PRKG1: variants seen among roughly 807,000 people sequenced by gnomAD.
PRKG1 encodes cGMP-dependent protein kinase 1.
A neutral mutation model predicts 88.1 loss-of-function variants in PRKG1; 35 were observed. The ratio of observed to expected loss-of-function variants is 0.40; its 90% CI spans 0.30 to 0.53. The LOEUF is 0.53. Among genes scored for constraint, PRKG1 ranks in the 20% least tolerant of loss-of-function variants. PRKG1 has a pLI of 0.59. For synonymous variants in PRKG1, 303 were observed against 292.5 expected (o/e 1.04, Z -0.37); for missense variants, 540 against 839.8 (o/e 0.64, Z 4.41).
intron 1 of PRKG1, among the ~76,000 whole-genome samples, chr10:51,131,881 G>A (rs910330989): frequency 2.6e-5 from 4 of 151,942 alleles, no homozygotes; most frequent in African/African-American, 7.2e-5. Flanking sequence ...TTTTGGAGGG[G>A]TGGGGATGGA....
At chr10:51,047,795 A>G (rs997825706) in intron 1 of PRKG1, among the ~76,000 whole-genome samples, 1 of 152,186 alleles carries the variant, frequency 6.6e-6, no homozygotes, top group South Asian at 2.1e-4. Context: ...TCAAAAATGA[A>G]AAAAACAAGA....
intron 3 of PRKG1, among the ~76,000 whole-genome samples, chr10:51,665,087 A>T (rs916402085): frequency 6.6e-6 from 1 of 152,118 alleles, no homozygotes; most frequent in African/African-American, 2.4e-5. Flanking sequence ...CTTACTTTTC[A>T]TTATTAACTG....
Position 52,161,342 on chromosome 10 carries a change from T to A in PRKG1, c.1002-547T>A, listed in dbSNP as rs544172729. Among the ~76,000 whole-genome samples, 3 of 152,208 alleles carry A rather than the reference T, an allele frequency of 2.0e-5. No individual in the cohort carries two copies. The East Asian group carries it at 5.8e-4, about 29-fold the overall frequency. ...CCAAAATGAGTTAATTTTTCTGTGA[T>A]CTTCTCCTTTTGTTTTCCTGTATTC... On this transcript the variant is annotated intron_variant, in intron 8 of 17. Transcript: ENST00000373980.
chr10:52,050,588 A>G (rs1485789215), intron 5 of PRKG1, among the ~76,000 whole-genome samples: 1 of 152,132 alleles, frequency 6.6e-6, no homozygotes, highest in Non-Finnish European at 1.5e-5. Context: ...GTGTTACGAC[A>G]CCATAAATAT....
At chr10:52,091,434 A>G (rs1187453506) in intron 7 of PRKG1, among the ~76,000 whole-genome samples, 1 of 152,202 alleles carries the variant, frequency 6.6e-6, no homozygotes, top group Non-Finnish European at 1.5e-5. Context: ...ATGTTGCATC[A>G]AACTCATAGA....
At chr10:52,246,998 T>TTACTTCTGCCTTCTTCACACAACATAC in intron 9 of PRKG1, among the ~76,000 whole-genome samples, 1 of 152,054 alleles carries the variant, frequency 6.6e-6, no homozygotes, top group Non-Finnish European at 1.5e-5. Flanking sequence ...AAATGATGTA[T>TTACTTCTGCCTTCTTCACACAACATAC]TACTTCTGCC....
chr10:51,376,044 CA>C (rs1842810457), intron 2 of PRKG1, among the ~76,000 whole-genome samples: 1 of 152,118 alleles, frequency 6.6e-6, no homozygotes, highest in Non-Finnish European at 1.5e-5. Context: ...TGCAAACCGA[CA>C]AGAGGTTATG....
chr10:51,331,544 T>TCCATGCTTAGCTGTGCAA (rs1841741762), intron 2 of PRKG1, among the ~76,000 whole-genome samples: 1 of 152,196 alleles, frequency 6.6e-6, no homozygotes, highest in Admixed American at 6.5e-5. Context: ...GGCATTTCTC[T>TCCATGCTTAGCTGTGCAA]CCATGCTTAG....
intron 3 of PRKG1, among the ~76,000 whole-genome samples, chr10:51,525,126 G>A (rs1252364850): frequency 4.0e-5 from 6 of 151,562 alleles, no homozygotes. Context: ...ACACGAGAGA[G>A]ACAGAGACAG....
chr10:52,026,361 TTCTG>T (rs997228110), intron 5 of PRKG1, among the ~76,000 whole-genome samples: 4 of 152,214 alleles, frequency 2.6e-5, no homozygotes, highest in Non-Finnish European at 5.9e-5. Context: ...TTGCATATGC[TTCTG>T]TCTACCTGAC....
chr10:51,016,251 CA>C (rs1843057792), intron 1 of PRKG1, among the ~76,000 whole-genome samples: 1 of 152,204 alleles, frequency 6.6e-6, no homozygotes, highest in South Asian at 2.1e-4. Context: ...ATTAAAACAT[CA>C]AGTTGCACTG....
chr10:51,074,493 G>T lies in PRKG1; in HGVS notation c.-98G>T, dbSNP rs1843893609. On this transcript the variant is annotated 5_prime_UTR_variant, in exon 1 of 18. Transcript: ENST00000373980. ...TCAAGTAGGAAGCTTTGGCACTCGG[G>T]AGGCAGCGGCGACTTTGGGGAAAGT... The T allele has an allele frequency of 1.3e-6, 2 of 1,488,740 alleles. No homozygotes were observed. Among genetic ancestry groups the T allele is most frequent in the Non-Finnish European group, 1.8e-6 (2 of 1,115,584 alleles). The allele number at this position is 1,488,740 out of a possible 1,614,324, so 92.2% of individuals were successfully genotyped here. A position where few individuals can be genotyped will look rare whatever the true frequency, so the allele number is the denominator to read the frequency against.
chr10:52,280,351 A>G (rs944294130), intron 12 of PRKG1, among the ~76,000 whole-genome samples: 3 of 152,198 alleles, frequency 2.0e-5, no homozygotes, highest in African/African-American at 7.2e-5. Context: ...AAGATTAAAA[A>G]ACAAGCCCTC....
intron 7 of PRKG1, among the ~76,000 whole-genome samples, chr10:52,070,053 T>G (rs1846458405): frequency 1.3e-5 from 2 of 152,212 alleles, no homozygotes; most frequent in South Asian, 4.1e-4. Flanking sequence ...AAACTCCAAA[T>G]TAATTACTCC....
intron 2 of PRKG1, among the ~76,000 whole-genome samples, chr10:51,304,780 A>G (rs1840990968): frequency 6.6e-6 from 1 of 151,752 alleles, no homozygotes. Flanking sequence ...GATGATTTCC[A>G]ATTTCATCCA....
At chr10:51,819,266 A>G (rs1839681278) in intron 4 of PRKG1, among the ~76,000 whole-genome samples, 1 of 151,468 alleles carries the variant, frequency 6.6e-6, no homozygotes, top group Admixed American at 6.6e-5. Context: ...TTTCTTTTTT[A>G]GCAACCAGCT....
chr10:51,323,866 T>G (rs902442498), intron 2 of PRKG1, among the ~76,000 whole-genome samples: 21 of 152,202 alleles, frequency 1.4e-4, no homozygotes, highest in Admixed American at 7.9e-4. Context: ...TGCAGAAGAT[T>G]GCTTGAGCCC....
intron 2 of PRKG1, among the ~76,000 whole-genome samples, chr10:51,420,039 G>T (rs139309697): frequency 0.011 from 1,748 of 152,172 alleles, 15 homozygotes; most frequent in Non-Finnish European, 0.017. Context: ...TGGGATGTTG[G>T]GGGGCAGGTC....
At chr10:52,251,856 C>T (rs1181169420) in intron 10 of PRKG1, 190 bp downstream of exon 10, 5 of 499,812 alleles carry the variant, frequency 1.0e-5, no homozygotes, top group Admixed American at 7.2e-5. Context: ...ATTATGCAGT[C>T]AACGACTAAA....
Sources: allele counts gnomAD v4.1 joint callset (sites outside exome capture counted in the v4.1 genomes callset), GRCh38; gene constraint gnomAD v4.1.1; transcripts MANE v1.5; gene names NCBI Gene and HGNC (gene_info 2026-07-23, HGNC 2026-07-21).